CFAP77: variants seen among roughly 807,000 people sequenced by gnomAD.
The protein encoded by CFAP77 is cilia- and flagella-associated protein 77.
A neutral mutation model predicts 31.1 loss-of-function variants in CFAP77; 25 were observed. That is an observed-to-expected ratio of 0.80 (90% CI 0.59 to 1.12). The LOEUF is 1.12. Ranked by LOEUF, CFAP77 falls within the 50% of genes most tolerant of loss-of-function variation. The pLI, the probability that CFAP77 is intolerant of heterozygous loss-of-function variation, is 0.00. For missense variants in CFAP77, 377 were observed against 397.3 expected, an observed-to-expected ratio of 0.95 and a Z score of 0.44; for synonymous variants, 151 against 159.9, an observed-to-expected ratio of 0.94 and a Z score of 0.42.
At chr9:132,460,395 T>G (rs1336020325) in intron 1 of CFAP77, among the ~76,000 whole-genome samples, 1 of 152,102 alleles carries the variant, frequency 6.6e-6, no homozygotes, top group Admixed American at 6.6e-5. Context: ...GGATATAAAA[T>G]ATGGCCTATC....
chr9:132,534,563 G>T (rs1331929831), intron 3 of CFAP77, among the ~76,000 whole-genome samples: 1 of 138,434 alleles, frequency 7.2e-6, no homozygotes, highest in Non-Finnish European at 1.5e-5. Flanking sequence ...AGTGAGCTGA[G>T]ATCTGCCACT....
chr9:132,497,583 A>G lies in CFAP77; in HGVS notation c.196-1112A>G, dbSNP rs998855927. On this transcript the variant is annotated intron_variant, in intron 1 of 5. Coordinates refer to ENST00000393216, the MANE Select transcript of CFAP77 (RefSeq NM_001282957.2). The surrounding 1 kb of genome is among the most constrained non-coding windows in gnomAD (Gnocchi z 4.9). ...CTGTGGGCATTTCTTTGGCTTGTGG[A>G]TCTGAGCATGAGCTGGGGGCAGCCA... Among the ~76,000 whole-genome samples, 1 of 152,076 alleles carries G rather than the reference A, an allele frequency of 6.6e-6. No individual in the cohort carries two copies. The highest frequency in any genetic ancestry group is 1.5e-5 in the Non-Finnish European group (1 of 68,010).
chr9:132,531,948 C>T (rs1177863192), intron 3 of CFAP77, among the ~76,000 whole-genome samples: 1 of 152,152 alleles, frequency 6.6e-6, no homozygotes, highest in Non-Finnish European at 1.5e-5. Flanking sequence ...CCGGGGACTG[C>T]TGAGAAGAGA....
At chr9:132,558,911 G>C (rs1042066575) in intron 5 of CFAP77, among the ~76,000 whole-genome samples, 1 of 151,982 alleles carries the variant, frequency 6.6e-6, no homozygotes, top group Non-Finnish European at 1.5e-5. Flanking sequence ...TTGCTCAGGA[G>C]GCTGAGGCAG....
At chr9:132,465,226 T>G (rs894839179) in intron 1 of CFAP77, among the ~76,000 whole-genome samples, 4 of 152,180 alleles carry the variant, frequency 2.6e-5, no homozygotes, top group Admixed American at 2.6e-4. Flanking sequence ...TTTGCTTAAT[T>G]CTCCAGCTTT....
intron 1 of CFAP77, among the ~76,000 whole-genome samples, chr9:132,423,309 G>A (rs910198909): frequency 3.9e-5 from 6 of 152,324 alleles, no homozygotes; most frequent in African/African-American, 7.2e-5. Context: ...GACTTCTCCC[G>A]GAGTGGGAGG....
At chr9:132,487,896 A>G (rs1851589523) in intron 1 of CFAP77, among the ~76,000 whole-genome samples, 1 of 152,178 alleles carries the variant, frequency 6.6e-6, no homozygotes, top group African/African-American at 2.4e-5. Context: ...GCTAATAATG[A>G]TCACAATTTG....
At chr9:132,447,074 G>A (rs1409250452) in intron 1 of CFAP77, among the ~76,000 whole-genome samples, 1 of 152,088 alleles carries the variant, frequency 6.6e-6, no homozygotes, top group African/African-American at 2.4e-5. Context: ...ATTTTCCAGA[G>A]GTGAAGACTG....
At chr9:132,426,655 A>T (rs2131685832) in intron 1 of CFAP77, among the ~76,000 whole-genome samples, 1 of 152,316 alleles carries the variant, frequency 6.6e-6, no homozygotes, top group South Asian at 2.1e-4. Flanking sequence ...ACGGAACCTG[A>T]GGCAACCTTG....
At position 132,550,467 on chromosome 9, in the gene CFAP77, A is replaced by G. The variant is rs571509651; in HGVS notation, c.732+7420A>G. Among the ~76,000 whole-genome samples the G allele has an allele frequency of 2.0e-4, 30 of 149,438 alleles. No individual in the cohort carries two copies. In the South Asian group the frequency reaches 4.1e-3, roughly 20 times the overall value. ...CCGATGATCTAGAGAGAATCCCACC[A>G]GCTTGGGAAGGAATTTGGGGAGCAG... On this transcript the variant is annotated intron_variant, in intron 5 of 5. Coordinates refer to ENST00000393216, the MANE Select transcript of CFAP77 (RefSeq NM_001282957.2).
rs1344768182 is a variant in CFAP77, at chr9:132,412,579, G to C, written c.195+2113G>C. On this transcript the variant is annotated intron_variant, in intron 1 of 5. Coordinates refer to ENST00000393216, the MANE Select transcript of CFAP77 (RefSeq NM_001282957.2). ...AAATGAGCACACTGAAGCCACCTCT[G>C]TTGTTTTTTTTGGGTTTTTTTGTTT... Among the ~76,000 whole-genome samples the C allele has an allele frequency of 8.8e-5, 3 of 33,966 alleles. No homozygotes were observed. In the East Asian group the frequency reaches 4.3e-3, roughly 49 times the overall value. 22.3% of individuals were successfully genotyped at this position (33,966 alleles called of 152,430 possible).
chr9:132,468,551 T>TC (rs1851195965), intron 1 of CFAP77, among the ~76,000 whole-genome samples: 2 of 152,014 alleles, frequency 1.3e-5, no homozygotes, highest in African/African-American at 4.8e-5. Context: ...AACTCAAATG[T>TC]CCCTCCCTCC....
chr9:132,421,502 C>T (rs1381373806), intron 1 of CFAP77: 1 of 152,262 alleles, frequency 6.6e-6, no homozygotes, highest in East Asian at 1.9e-4. Context: ...CTTAACTTCA[C>T]TAGTTTCATG....
intron 5 of CFAP77, among the ~76,000 whole-genome samples, chr9:132,548,514 C>T (rs952101859): frequency 4.6e-5 from 7 of 152,308 alleles, no homozygotes; most frequent in South Asian, 4.1e-4. Context: ...TGGCCAAGTC[C>T]GGTTTTGCAT....
intron 1 of CFAP77, among the ~76,000 whole-genome samples, chr9:132,428,302 G>A (rs936905207): frequency 4.6e-5 from 7 of 151,522 alleles, no homozygotes; most frequent in East Asian, 4.0e-4. Flanking sequence ...GAGCCACTGC[G>A]CCCAGCCAGA....
chr9:132,487,670 T>C (rs922139525), intron 1 of CFAP77, among the ~76,000 whole-genome samples: 1 of 151,264 alleles, frequency 6.6e-6, no homozygotes, highest in African/African-American at 2.4e-5. Flanking sequence ...CACTTGACAT[T>C]ACTTTATACG....
intron 3 of CFAP77, among the ~76,000 whole-genome samples, chr9:132,503,671 G>A (rs1851889910): frequency 6.6e-6 from 1 of 152,270 alleles, no homozygotes; most frequent in African/African-American, 2.4e-5. Context: ...ACTGAGGCAG[G>A]CAGAGGTTAA....
At position 132,480,806 on chromosome 9, in the gene CFAP77, G is replaced by A. The variant is rs1450115465; in HGVS notation, c.196-17889G>A. ...GAGCACAGACTTCATGCAGGAAGGGGCCTGAAAGTTCCAGGAGCCGAAAGA... is the reference window on the plus strand; with the variant it reads ...GAGCACAGACTTCATGCAGGAAGGGACCTGAAAGTTCCAGGAGCCGAAAGA... On this transcript the variant is annotated intron_variant, in intron 1 of 5. Coordinates refer to ENST00000393216, the MANE Select transcript of CFAP77 (RefSeq NM_001282957.2). The surrounding 1 kb of genome is among the most constrained non-coding windows in gnomAD (Gnocchi z 5.8). Among the ~76,000 whole-genome samples, 1 of 152,112 alleles carries A rather than the reference G, an allele frequency of 6.6e-6. No homozygotes were observed. The highest frequency in any genetic ancestry group is 1.5e-5 in the Non-Finnish European group (1 of 68,030).
chr9:132,481,958 TTGG>T lies in CFAP77; in HGVS notation c.196-16736_196-16734del, dbSNP rs1370641900. Reference sequence around the variant, plus strand: ...CTCAGGAAGGAACAAGGGTTTATGGTTGGGGGGGGGGGGGGCGGCGGAACACTG... The same window carrying T: ...CTCAGGAAGGAACAAGGGTTTATGGTGGGGGGGGGGGGCGGCGGAACACTG... On this transcript the variant is annotated intron_variant, in intron 1 of 5. Transcript: ENST00000393216. This position sits in a 1 kb window ranked among gnomAD's most constrained non-coding sequence, Gnocchi z 5.0. Among the ~76,000 whole-genome samples, 1,170 of 29,948 alleles carry T rather than the reference TTGG, an allele frequency of 0.039. 20 individuals are homozygous for T. Among genetic ancestry groups the T allele is most frequent in the African/African-American group, 0.1 (952 of 9,446 alleles). The allele number at this position is 29,948 out of a possible 152,430, so 19.6% of individuals were successfully genotyped here.
Sources: allele counts gnomAD v4.1 joint callset (sites outside exome capture counted in the v4.1 genomes callset), GRCh38; gene constraint gnomAD v4.1.1; non-coding constraint Gnocchi (gnomAD v3.1); transcripts MANE v1.5; gene names NCBI Gene and HGNC (gene_info 2026-07-23, HGNC 2026-07-21).